SPTBN1: variants seen among roughly 807,000 people sequenced by gnomAD.
SPTBN1 encodes the protein spectrin beta chain, non-erythrocytic 1.
In SPTBN1, 32 loss-of-function variants were observed where a neutral mutation model predicts 266.4. That is an observed-to-expected ratio of 0.12 (90% CI 0.09 to 0.16). The LOEUF (loss-of-function observed/expected upper bound fraction) is 0.16. SPTBN1 is among the 10% of genes least tolerant of loss of function. SPTBN1 has a pLI of 1.00. For synonymous variants in SPTBN1, 1,336 were observed against 1,162.2 expected, an observed-to-expected ratio of 1.15 and a Z score of -3.04; for missense variants, 2,296 against 3,067.1, an observed-to-expected ratio of 0.75 and a Z score of 5.94.
intron 1 of SPTBN1, among the ~76,000 whole-genome samples, chr2:54,489,561 G>T (rs534998091): frequency 6.6e-6 from 1 of 152,052 alleles, no homozygotes; most frequent in East Asian, 1.9e-4. Flanking sequence ...TTAGCCAGGC[G>T]TGGTGGTGTG....
intron 1 of SPTBN1, among the ~76,000 whole-genome samples, chr2:54,502,697 TTTG>T (rs1484854500): frequency 1.3e-5 from 2 of 152,142 alleles, no homozygotes; most frequent in African/African-American, 2.4e-5. Flanking sequence ...TGGGGGTTTT[TTTG>T]TTGTTGTTTC....
At chr2:54,650,696 T>TA (rs944155061) in intron 26 of SPTBN1, among the ~76,000 whole-genome samples, 2 of 152,246 alleles carry the variant, frequency 1.3e-5, no homozygotes, top group Non-Finnish European at 2.9e-5. Context: ...CTTTTTCTGT[T>TA]AAAGGCCAAA....
intron 1 of SPTBN1, among the ~76,000 whole-genome samples, chr2:54,518,275 C>T (rs1573317597): frequency 6.7e-6 from 1 of 149,250 alleles, no homozygotes. Flanking sequence ...GGACACAGGG[C>T]GGGGAACATC....
chr2:54,607,006 C>G (rs771559209), intron 3 of SPTBN1, among the ~76,000 whole-genome samples: 6 of 152,224 alleles, frequency 3.9e-5, no homozygotes, highest in Non-Finnish European at 8.8e-5. Flanking sequence ...ATAGCAAATT[C>G]TAGCATTTCC....
chr2:54,642,999 A>G lies in SPTBN1; in HGVS notation c.3875A>G (p.Asn1292Ser), dbSNP rs371412282. 1.0e-4 allele frequency: 163 copies of G among 1,613,544 alleles called. 1 individual carries two copies. The highest frequency in any genetic ancestry group is 3.1e-4 in the South Asian group (28 of 91,020). The stretch of plus-strand genomic sequence containing the variant: ...TTTCTGTAGCTGTCTCTCTGGATCA[A>G]TGAGAAGATGCTCACAGCCCAGGAC... Reference protein sequence around the residue: ...QDCQELSLWINEKMLTAQDMS... With the variant: ...QDCQELSLWISEKMLTAQDMS... The change falls in exon 19 of 36, where the codon AAT becomes AGT. Residue 1292 changes from asparagine (N) to serine (S), a missense_variant. Physicochemically the swap from Asn to Ser is conservative, Grantham distance 46. Around this residue, in one of 12 missense-constraint regions of SPTBN1, gnomAD observed 386 missense variants for 486.1 expected, o/e 0.79. Transcript: ENST00000356805.
intron 1 of SPTBN1, among the ~76,000 whole-genome samples, chr2:54,477,297 G>A (rs1667882987): frequency 6.6e-6 from 1 of 152,074 alleles, no homozygotes; most frequent in Non-Finnish European, 1.5e-5. Flanking sequence ...CTTTAGGTAA[G>A]AAGGAGCAGC....
chr2:54,662,594 A>G (rs1348059901), intron 32 of SPTBN1: 3 of 152,454 alleles, frequency 2.0e-5, no homozygotes, highest in Admixed American at 2.0e-4. Context: ...GTTTCTCTAC[A>G]TACTAACCCC....
intron 2 of SPTBN1, among the ~76,000 whole-genome samples, chr2:54,555,902 CA>C (rs1162082072): frequency 6.6e-6 from 1 of 152,174 alleles, no homozygotes; most frequent in Admixed American, 6.5e-5. Context: ...TACCTTTCTC[CA>C]AAAGGCAGAT....
intron 1 of SPTBN1, among the ~76,000 whole-genome samples, chr2:54,498,330 TAATTTA>T (rs1558781133): frequency 1.3e-5 from 2 of 152,218 alleles, no homozygotes; most frequent in East Asian, 3.9e-4. Context: ...AAATTTTATT[TAATTTA>T]AATTAAATTT....
chr2:54,513,965 C>A (rs930761206), intron 1 of SPTBN1, among the ~76,000 whole-genome samples: 2 of 152,074 alleles, frequency 1.3e-5, no homozygotes, highest in African/African-American at 4.8e-5. Flanking sequence ...TTAGGACTTA[C>A]AAAATTATAT....
chr2:54,515,156 A>C (rs1040721650), intron 1 of SPTBN1, among the ~76,000 whole-genome samples: 5 of 151,896 alleles, frequency 3.3e-5, no homozygotes, highest in Non-Finnish European at 7.4e-5. Flanking sequence ...TGTGGCCCCC[A>C]CCCAGGACTG....
At chr2:54,581,476 A>C (rs1357345087) in intron 2 of SPTBN1, among the ~76,000 whole-genome samples, 3 of 151,650 alleles carry the variant, frequency 2.0e-5, no homozygotes, top group Non-Finnish European at 4.4e-5. Context: ...GCTGACATTG[A>C]ACTTCCACTG....
At position 54,456,335 on chromosome 2, in the gene SPTBN1, C is replaced by T. The variant is rs1370858923; in HGVS notation, c.-231C>T. On this transcript the variant is annotated 5_prime_UTR_variant, in exon 1 of 36. Transcript: ENST00000356805. The stretch of plus-strand genomic sequence containing the variant: ...AGGCTGCGGATTCCTCCAGTCCCTC[C>T]CTCGGCCGCCTCTCCTCCCGGAGCG... 5 of 152,372 alleles carry T rather than the reference C, an allele frequency of 3.3e-5. No homozygotes were observed. Among genetic ancestry groups the T allele is most frequent in the African/African-American group, 1.2e-4 (5 of 41,424 alleles). 9.4% of individuals were successfully genotyped at this position (152,372 alleles called of 1,614,324 possible). A position where few individuals can be genotyped will look rare whatever the true frequency, so the allele number is the denominator to read the frequency against.
rs1678049363 is a variant in SPTBN1 at position 54,622,381 on chromosome 2, C to A, written c.958C>A (p.Gln320Lys). 6.2e-7 allele frequency: 1 copy of A among 1,614,176 alleles called. No individual in the cohort carries two copies. Among genetic ancestry groups the A allele is most frequent in the Non-Finnish European group, 8.5e-7 (1 of 1,180,034 alleles). ...LASDLLEWIE[Q>K]TIIILNNRKF... ...CTCTGACCTTCTGGAATGGATTGAA[C>A]AAACCATCATCATTCTGAACAATCG... Residue 320 changes from glutamine (Q) to lysine (K), a missense_variant, in exon 9 of 36, where the codon CAA (glutamine) becomes AAA (lysine). Gln to Lys is a moderately conservative substitution (Grantham distance 53, BLOSUM62 1). Transcript: ENST00000356805.
chr2:54,609,465 C>T (rs1284563918), intron 3 of SPTBN1, among the ~76,000 whole-genome samples: 2 of 152,198 alleles, frequency 1.3e-5, no homozygotes, highest in South Asian at 2.1e-4. Flanking sequence ...ATGGCTTTCA[C>T]AGCTTTTTCT....
chr2:54,495,384 A>G (rs72915028), intron 1 of SPTBN1, among the ~76,000 whole-genome samples: 4,916 of 152,216 alleles, frequency 0.032, 302 homozygotes, highest in African/African-American at 0.11. Flanking sequence ...TGTTTAAATC[A>G]TATTAGGAGA....
At chr2:54,621,883 G>C (rs1224300798) in intron 8 of SPTBN1, among the ~76,000 whole-genome samples, 1 of 152,188 alleles carries the variant, frequency 6.6e-6, no homozygotes, top group Admixed American at 6.5e-5. Flanking sequence ...CACCTGCCAT[G>C]TTTTCAAAAC....
chr2:54,571,564 C>CACAT (rs1424914650), intron 2 of SPTBN1, among the ~76,000 whole-genome samples: 1 of 84,946 alleles, frequency 1.2e-5, no homozygotes, highest in Non-Finnish European at 2.2e-5. Context: ...CACACACACA[C>CACAT]ACACACACAC....
intron 1 of SPTBN1, among the ~76,000 whole-genome samples, chr2:54,465,152 A>G (rs1437740947): frequency 6.6e-6 from 1 of 152,234 alleles, no homozygotes; most frequent in Non-Finnish European, 1.5e-5. Flanking sequence ...GCAGTTTTCT[A>G]AGAGCAATGA....
Sources: allele counts gnomAD v4.1 joint callset (sites outside exome capture counted in the v4.1 genomes callset), GRCh38; gene constraint gnomAD v4.1.1; regional missense constraint gnomAD v4.1.1; transcripts MANE v1.5; gene names NCBI Gene and HGNC (gene_info 2026-07-23, HGNC 2026-07-21).